TBC1D22A: variants seen among roughly 807,000 people sequenced by gnomAD.
The protein encoded by TBC1D22A is putative GTPase activator.
TBC1D22A carries 38 observed loss-of-function variants against 60.2 expected under a neutral mutation model. The observed-to-expected ratio is 0.63, with a 90% CI of 0.49 to 0.83. The LOEUF (loss-of-function observed/expected upper bound fraction) is 0.83, where lower values mean the gene tolerates loss of function less well. Among genes scored for constraint, TBC1D22A ranks in the 40% least tolerant of loss-of-function variants. TBC1D22A has a pLI of 0.00. For synonymous variants in TBC1D22A, 302 were observed against 281.7 expected (o/e 1.07, Z -0.72); for missense variants, 628 against 701.0 (o/e 0.90, Z 1.18).
chr22:46,871,856 A>G (rs1312365108), intron 4 of TBC1D22A, among the ~76,000 whole-genome samples: 1 of 152,224 alleles, frequency 6.6e-6, no homozygotes, highest in Non-Finnish European at 1.5e-5. Flanking sequence ...AAAATGGGTA[A>G]ACAAGAAAAG....
chr22:46,877,470 C>G (rs925300762), intron 4 of TBC1D22A, among the ~76,000 whole-genome samples: 2 of 152,132 alleles, frequency 1.3e-5, no homozygotes, highest in African/African-American at 4.8e-5. Flanking sequence ...GGTCGGTAAA[C>G]ATTACATTAT....
chr22:46,966,540 C>A (rs1257948464), intron 8 of TBC1D22A, among the ~76,000 whole-genome samples: 1 of 152,234 alleles, frequency 6.6e-6, no homozygotes, highest in East Asian at 1.9e-4. Flanking sequence ...CTATGAACCA[C>A]AACTCCTACT....
chr22:47,157,748 A>G (rs1601708336), intron 12 of TBC1D22A, among the ~76,000 whole-genome samples: 1 of 152,070 alleles, frequency 6.6e-6, no homozygotes, highest in African/African-American at 2.4e-5. Flanking sequence ...TTCTCTTCCC[A>G]AGGGCTGGGT....
chr22:46,940,128 A>T (rs1344744958), intron 8 of TBC1D22A, among the ~76,000 whole-genome samples: 1 of 152,230 alleles, frequency 6.6e-6, no homozygotes, highest in Admixed American at 6.5e-5. Flanking sequence ...AGTGTGCAAT[A>T]TATGTTTCAA....
chr22:46,819,842 A>G (rs966718907), intron 4 of TBC1D22A, among the ~76,000 whole-genome samples: 5 of 152,206 alleles, frequency 3.3e-5, no homozygotes, highest in African/African-American at 1.2e-4. Flanking sequence ...TTCTGGTAGA[A>G]TTCAACTGTG....
At chr22:46,891,153 A>T in intron 5 of TBC1D22A, 113 bp from the exon 6 acceptor site, 1 of 1,232,546 alleles carries the variant, frequency 8.1e-7, no homozygotes, top group Non-Finnish European at 1.1e-6. Flanking sequence ...TCTGTGTCAG[A>T]TTTCAGAATG....
intron 11 of TBC1D22A, among the ~76,000 whole-genome samples, chr22:47,080,542 G>A (rs140162319): frequency 2.4e-4 from 36 of 151,760 alleles, no homozygotes; most frequent in East Asian, 1.2e-3. Context: ...TTTTTTAACC[G>A]AATGGATTAT....
At chr22:47,097,055 C>T (rs1270948296) in intron 11 of TBC1D22A, among the ~76,000 whole-genome samples, 1 of 62,940 alleles carries the variant, frequency 1.6e-5, no homozygotes, top group Non-Finnish European at 2.8e-5. Context: ...GTGTCCACAT[C>T]AGTATGGGCA....
intron 8 of TBC1D22A, chr22:46,915,061 A>T (rs1461965076): frequency 3.9e-6 from 1 of 258,034 alleles, no homozygotes; most frequent in Non-Finnish European, 7.7e-6. Context: ...AGTGACAAGT[A>T]GTGGCATTGG....
chr22:47,020,486 C>G (rs1456412993), intron 10 of TBC1D22A, among the ~76,000 whole-genome samples: 1 of 144,862 alleles, frequency 6.9e-6, no homozygotes, highest in Non-Finnish European at 1.5e-5. Flanking sequence ...TTTCTTATTT[C>G]TCTGTTTCCT....
At chr22:46,884,055 G>A (rs2067986599) in intron 5 of TBC1D22A, among the ~76,000 whole-genome samples, 1 of 152,192 alleles carries the variant, frequency 6.6e-6, no homozygotes, top group Non-Finnish European at 1.5e-5. Context: ...TTCCGTTGTG[G>A]GGCAAACAGC....
intron 4 of TBC1D22A, among the ~76,000 whole-genome samples, chr22:46,804,283 A>G (rs812942): frequency 0.59 from 89,524 of 152,174 alleles, 26,475 homozygotes; most frequent in Middle Eastern, 0.71. Flanking sequence ...TCATTTTGTC[A>G]CTAAAGGGTT....
At chr22:46,894,734 T>C (rs779121807) in intron 6 of TBC1D22A, 50 bp from the exon 7 acceptor site, 2 of 1,603,814 alleles carry the variant, frequency 1.2e-6, no homozygotes, top group Non-Finnish European at 1.7e-6. Flanking sequence ...TCGCTCGTAA[T>C]GATGTTTGTT....
In TBC1D22A at chr22:46,847,918, G is replaced by GGTGT. The variant is rs58012028; in HGVS notation, c.638-30701_638-30698dup. ...GAGAAATAGTCAAGGTACCCTAGTG[G>GGTGT]GTGTGTGTGTGTGTGTGTGTGTGTG... is the stretch of plus-strand genomic sequence containing the variant. On this transcript the variant is annotated intron_variant, in intron 4 of 12. Coordinates refer to ENST00000337137, the MANE Select transcript of TBC1D22A (RefSeq NM_014346.5). Among the ~76,000 whole-genome samples, 1,227 of 134,192 alleles carry GGTGT rather than the reference G, an allele frequency of 9.1e-3. 13 individuals carry two copies. Among genetic ancestry groups the GGTGT allele is most frequent in the African/African-American group, 0.024 (737 of 30,982 alleles). The allele number at this position is 134,192 out of a possible 152,430, so 88.0% of individuals were successfully genotyped here.
chr22:46,835,662 A>C (rs1251052360), intron 4 of TBC1D22A, among the ~76,000 whole-genome samples: 2 of 152,230 alleles, frequency 1.3e-5, no homozygotes, highest in African/African-American at 4.8e-5. Context: ...AAGGGGCAGA[A>C]AGCTTCTTTA....
At chr22:47,019,051 A>G (rs186376586) in intron 10 of TBC1D22A, among the ~76,000 whole-genome samples, 1 of 152,310 alleles carries the variant, frequency 6.6e-6, no homozygotes, top group Non-Finnish European at 1.5e-5. Flanking sequence ...GCTCTGGTGC[A>G]GGAGACAGTG....
At position 46,881,874 on chromosome 22, in the gene TBC1D22A, C is replaced by T. The variant is rs555887456; in HGVS notation, c.708+3151C>T. Among the ~76,000 whole-genome samples, 3 of 152,374 alleles carry T rather than the reference C, an allele frequency of 2.0e-5. No homozygotes were observed. In the East Asian group the frequency reaches 5.8e-4, roughly 29 times the overall value. On this transcript the variant is annotated intron_variant, in intron 5 of 12. Coordinates refer to ENST00000337137, the MANE Select transcript of TBC1D22A (RefSeq NM_014346.5). ...TCCAGCTCCCCAGGCAGTCATGCTG[C>T]ACCATGGCTCTGGGCCTTCTGTAAG...
intron 8 of TBC1D22A, among the ~76,000 whole-genome samples, chr22:46,957,161 G>T (rs1387153437): frequency 6.6e-6 from 1 of 152,226 alleles, no homozygotes; most frequent in African/African-American, 2.4e-5. Context: ...GGTGTGATGG[G>T]CCAGGGGACC....
intron 4 of TBC1D22A, among the ~76,000 whole-genome samples, chr22:46,817,066 C>T (rs917549482): frequency 6.6e-6 from 1 of 152,190 alleles, no homozygotes; most frequent in African/African-American, 2.4e-5. Context: ...AAGTTGTATA[C>T]ATTTAAGTAG....
Sources: allele counts gnomAD v4.1 joint callset (sites outside exome capture counted in the v4.1 genomes callset), GRCh38; gene constraint gnomAD v4.1.1; transcripts MANE v1.5; gene names NCBI Gene and HGNC (gene_info 2026-07-23, HGNC 2026-07-21).